SORCS1: variants seen among roughly 807,000 people sequenced by gnomAD.
SORCS1 encodes the protein sortilin related VPS10 domain containing receptor 1.
SORCS1 carries 60 observed loss-of-function variants against 146.1 expected under a neutral mutation model. That is an observed-to-expected ratio of 0.41 (90% CI 0.33 to 0.51). The LOEUF (loss-of-function observed/expected upper bound fraction) is 0.51. Ranked by LOEUF, SORCS1 falls within the 20% of genes least tolerant of loss-of-function variation. The pLI, the probability that SORCS1 is intolerant of heterozygous loss-of-function variation, is 0.21. For synonymous variants in SORCS1, 637 were observed against 584.0 expected (o/e 1.09, Z -1.31); for missense variants, 1,352 against 1,487.6 (o/e 0.91, Z 1.50).
intron 3 of SORCS1, among the ~76,000 whole-genome samples, chr10:106,824,796 A>G (rs1171627072): frequency 1.3e-5 from 2 of 152,204 alleles, no homozygotes; most frequent in African/African-American, 4.8e-5. Context: ...GACCCGTAGG[A>G]ATGACCAATG....
chr10:107,048,659 T>A (rs1395877036), intron 1 of SORCS1, among the ~76,000 whole-genome samples: 1 of 152,230 alleles, frequency 6.6e-6, no homozygotes, highest in Non-Finnish European at 1.5e-5. Flanking sequence ...AGAGTTGAGC[T>A]ATCTCCCCTA....
At chr10:107,118,831 AG>A (rs1198707423) in intron 1 of SORCS1, among the ~76,000 whole-genome samples, 1 of 152,182 alleles carries the variant, frequency 6.6e-6, no homozygotes, top group African/African-American at 2.4e-5. Flanking sequence ...ACTATGTCTG[AG>A]CAATGGATAC....
At chr10:106,779,905 T>C (rs1338938877) in intron 3 of SORCS1, among the ~76,000 whole-genome samples, 3 of 152,368 alleles carry the variant, frequency 2.0e-5, no homozygotes, top group South Asian at 4.1e-4. Context: ...ATTATGATTG[T>C]TGTAATGACT....
chr10:107,072,599 A>G (rs952054969), intron 1 of SORCS1, among the ~76,000 whole-genome samples: 7 of 149,938 alleles, frequency 4.7e-5, no homozygotes, highest in African/African-American at 1.8e-4. Context: ...TTCTATATAC[A>G]TACATACACA....
At chr10:106,721,252 C>T (rs1013488130) in intron 6 of SORCS1, among the ~76,000 whole-genome samples, 1 of 151,716 alleles carries the variant, frequency 6.6e-6, no homozygotes, top group African/African-American at 2.4e-5. Flanking sequence ...CCAAGGTCTA[C>T]CTTGGAAGTT....
rs111779124 is a variant in SORCS1 at position 107,155,461 on chromosome 10, C to T, written c.558+8508G>A. ...GGACAGTACTTTGAGAAACACTGCCCCAGGCACCTATGAGTGAGCCCATGC... is the reference window on the plus strand; with the variant it reads ...GGACAGTACTTTGAGAAACACTGCCTCAGGCACCTATGAGTGAGCCCATGC... On this transcript the variant is annotated intron_variant, in intron 1 of 25. Transcript: ENST00000263054. Among the ~76,000 whole-genome samples, 115 of 152,234 alleles carry T rather than the reference C, an allele frequency of 7.6e-4. 1 individual carries two copies. Among genetic ancestry groups the T allele is most frequent in the African/African-American group, 2.7e-3 (111 of 41,540 alleles).
intron 1 of SORCS1, among the ~76,000 whole-genome samples, chr10:107,005,641 AATTT>A (rs1303708158): frequency 6.6e-6 from 1 of 152,078 alleles, no homozygotes; most frequent in African/African-American, 2.4e-5. Context: ...AATTCTGCAC[AATTT>A]ATTTTCCTTT....
At chr10:107,025,741 G>T (rs1589959389) in intron 1 of SORCS1, among the ~76,000 whole-genome samples, 1 of 152,198 alleles carries the variant, frequency 6.6e-6, no homozygotes. Context: ...TTGATGTCAG[G>T]CTGGGGAGCT....
At chr10:106,992,580 G>A (rs1464693846) in intron 1 of SORCS1, among the ~76,000 whole-genome samples, 2 of 151,480 alleles carry the variant, frequency 1.3e-5, no homozygotes, top group Non-Finnish European at 2.9e-5. Flanking sequence ...CTGCAGCCTC[G>A]AATTTCTGGG....
intron 3 of SORCS1, among the ~76,000 whole-genome samples, chr10:106,827,721 G>T (rs1322990912): frequency 6.6e-6 from 1 of 152,192 alleles, no homozygotes; most frequent in Non-Finnish European, 1.5e-5. Context: ...TGTAATTGTT[G>T]ATGAAGTAGC....
At position 106,980,597 on chromosome 10, in the gene SORCS1, T is replaced by C. The variant is rs535874613; in HGVS notation, c.559-24017A>G. On this transcript the variant is annotated intron_variant, in intron 1 of 25. Coordinates refer to ENST00000263054, the MANE Select transcript of SORCS1 (RefSeq NM_052918.5). ...AAACTTCTCATACCTTCACCCTGGC[T>C]TAGAAATTTTTCTGCCACTCACCAT... Among the ~76,000 whole-genome samples, 4 of 152,336 alleles carry C rather than the reference T, an allele frequency of 2.6e-5. No homozygotes were observed. The South Asian group carries it at 8.3e-4, about 32-fold the overall frequency.
At chr10:106,996,657 T>C (rs1441706105) in intron 1 of SORCS1, among the ~76,000 whole-genome samples, 1 of 152,150 alleles carries the variant, frequency 6.6e-6, no homozygotes, top group Non-Finnish European at 1.5e-5. Flanking sequence ...AGCCCTACAA[T>C]TTTCCCATTT....
At chr10:106,887,490 T>C (rs1222312840) in intron 2 of SORCS1, among the ~76,000 whole-genome samples, 1 of 152,058 alleles carries the variant, frequency 6.6e-6, no homozygotes, top group Non-Finnish European at 1.5e-5. Context: ...GGCAGGAGAA[T>C]CACTTGAACC....
At chr10:107,058,961 A>G (rs867104961) in intron 1 of SORCS1, among the ~76,000 whole-genome samples, 1 of 152,200 alleles carries the variant, frequency 6.6e-6, no homozygotes, top group African/African-American at 2.4e-5. Context: ...ATCACCAACT[A>G]AAAAAGCACA....
intron 2 of SORCS1, among the ~76,000 whole-genome samples, chr10:106,924,813 T>C (rs188857422): frequency 7.1e-4 from 106 of 150,338 alleles, no homozygotes; most frequent in African/African-American, 2.6e-3. Flanking sequence ...TGTGAATTAA[T>C]GCTTTTCATC....
chr10:106,913,987 C>A (rs552939720), intron 2 of SORCS1, among the ~76,000 whole-genome samples: 1 of 152,206 alleles, frequency 6.6e-6, no homozygotes, highest in Non-Finnish European at 1.5e-5. Context: ...ACCAAATCAA[C>A]CAATACACAC....
intron 3 of SORCS1, among the ~76,000 whole-genome samples, chr10:106,805,578 C>A (rs1275532846): frequency 1.3e-5 from 2 of 152,138 alleles, no homozygotes; most frequent in Non-Finnish European, 2.9e-5. Flanking sequence ...ATTCCCAATG[C>A]CAGGAAGATG....
chr10:107,167,717 CT>C (rs1300791394), upstream of SORCS1, among the ~76,000 whole-genome samples: 2 of 151,848 alleles, frequency 1.3e-5, no homozygotes, highest in African/African-American at 4.8e-5. Flanking sequence ...AAAATTTAGC[CT>C]TGCTAAAATA....
In SORCS1 at chr10:106,729,446, T is replaced by C. The variant is rs1022350315; in HGVS notation, c.1024+604A>G. ...CACAGAAAAATTCTCTCTCTCTCTT[T>C]TTTTTTTTTTAATTCTTTCCAAGTG... On this transcript the variant is annotated intron_variant, in intron 6 of 25. Transcript: ENST00000263054. Among the ~76,000 whole-genome samples the C allele has an allele frequency of 4.0e-4, 60 of 149,100 alleles. No homozygotes were observed. In the East Asian group the frequency reaches 8.0e-3, roughly 20 times the overall value.
Sources: allele counts gnomAD v4.1 joint callset (sites outside exome capture counted in the v4.1 genomes callset), GRCh38; gene constraint gnomAD v4.1.1; transcripts MANE v1.5; gene names NCBI Gene and HGNC (gene_info 2026-07-23, HGNC 2026-07-21).